Variants in CHST9 observed in about 807,000 individuals in gnomAD.
CHST9 encodes the protein carbohydrate sulfotransferase 9, also known as GalNAc-4-sulfotransferase 2.
Under a neutral mutation model 44.4 loss-of-function variants are expected in CHST9, and 41 were observed. The observed-to-expected ratio is 0.92, with a 90% CI of 0.72 to 1.20. CHST9 has a LOEUF of 1.20. Among genes scored for constraint, CHST9 ranks in the 50% most tolerant of loss-of-function variants. The probability of loss-of-function intolerance (pLI) is 0.00; values close to 1 mark genes in which losing one functional copy is unlikely to be tolerated. For missense variants in CHST9, 504 were observed against 516.5 expected (o/e 0.98, Z 0.23); for synonymous variants, 171 against 178.4 (o/e 0.96, Z 0.33).
At chr18:26,918,902 C>T (rs191643424) in intron 5 of CHST9, among the ~76,000 whole-genome samples, 31 of 152,016 alleles carry the variant, frequency 2.0e-4, no homozygotes, top group Admixed American at 6.6e-4. Context: ...AAGACACACC[C>T]GAGACTGGGT....
At chr18:27,060,522 T>C (rs1245671911) in intron 2 of CHST9, among the ~76,000 whole-genome samples, 2 of 152,110 alleles carry the variant, frequency 1.3e-5, no homozygotes, top group Non-Finnish European at 2.9e-5. Context: ...AGTGGGAATG[T>C]TGAAAAGAGG....
At chr18:27,075,266 C>T (rs1329099523) in intron 2 of CHST9, among the ~76,000 whole-genome samples, 1 of 151,276 alleles carries the variant, frequency 6.6e-6, no homozygotes, top group Non-Finnish European at 1.5e-5. Context: ...CAAACTTTTC[C>T]AACCAGATAG....
chr18:27,076,835 G>A (rs2057909514), intron 2 of CHST9, among the ~76,000 whole-genome samples: 1 of 152,130 alleles, frequency 6.6e-6, no homozygotes, highest in African/African-American at 2.4e-5. Flanking sequence ...CACATGATGG[G>A]AAAAGGAGAC....
intron 1 of CHST9, among the ~76,000 whole-genome samples, chr18:27,173,774 T>A (rs2058849179): frequency 6.6e-6 from 1 of 152,026 alleles, no homozygotes; most frequent in South Asian, 2.1e-4. Context: ...AATTATTTTA[T>A]CCTTTGGATA....
chr18:27,078,452 G>A (rs1280802498), intron 2 of CHST9, among the ~76,000 whole-genome samples: 2 of 151,946 alleles, frequency 1.3e-5, no homozygotes, highest in African/African-American at 4.8e-5. Context: ...CTTAGGGGAA[G>A]TATATACATG....
At chr18:27,096,151 A>G (rs897228508) in intron 2 of CHST9, among the ~76,000 whole-genome samples, 1 of 152,126 alleles carries the variant, frequency 6.6e-6, no homozygotes, top group Non-Finnish European at 1.5e-5. Flanking sequence ...CCACAATATC[A>G]CATGGAAATT....
intron 1 of CHST9, among the ~76,000 whole-genome samples, chr18:27,171,979 G>A (rs926368866): frequency 1.3e-5 from 2 of 152,100 alleles, no homozygotes; most frequent in Non-Finnish European, 2.9e-5. Flanking sequence ...ATGAAAAATG[G>A]TTATGTACTT....
At chr18:26,963,215 T>C (rs163052) in intron 4 of CHST9, among the ~76,000 whole-genome samples, 101,337 of 151,964 alleles carry the variant, frequency 0.67, 34,605 homozygotes, top group African/African-American at 0.81. Flanking sequence ...TCTCAAACTG[T>C]CTTCTATTAA....
intron 2 of CHST9, among the ~76,000 whole-genome samples, chr18:27,088,961 C>A (rs1416099882): frequency 1.3e-5 from 2 of 152,104 alleles, no homozygotes; most frequent in African/African-American, 4.8e-5. Flanking sequence ...AAAAGGCTAC[C>A]CTTCAGTCAC....
intron 4 of CHST9, among the ~76,000 whole-genome samples, chr18:27,005,047 TC>T (rs2056999938): frequency 6.6e-6 from 1 of 152,186 alleles, no homozygotes; most frequent in African/African-American, 2.4e-5. Context: ...GCTATACTTT[TC>T]CAGTTATGAT....
At chr18:27,062,203 G>A (rs1302657400) in intron 2 of CHST9, among the ~76,000 whole-genome samples, 1 of 151,982 alleles carries the variant, frequency 6.6e-6, no homozygotes. Flanking sequence ...GGGTACATAT[G>A]CACAATGTGC....
At chr18:26,947,604 A>C (rs1173915826) in intron 4 of CHST9, among the ~76,000 whole-genome samples, 1 of 152,234 alleles carries the variant, frequency 6.6e-6, no homozygotes, top group Non-Finnish European at 1.5e-5. Flanking sequence ...ATATGAACAG[A>C]CACTTCTTGA....
chr18:27,055,024 C>T (rs551343820), intron 2 of CHST9, among the ~76,000 whole-genome samples: 6 of 152,132 alleles, frequency 3.9e-5, no homozygotes, highest in African/African-American at 1.2e-4. Context: ...CTTGCCTCAC[C>T]GCACTACCAA....
chr18:27,176,976 T>C (rs1236177396), intron 1 of CHST9, among the ~76,000 whole-genome samples: 1 of 152,062 alleles, frequency 6.6e-6, no homozygotes, highest in East Asian at 1.9e-4. Context: ...GATTAGTATT[T>C]AAATTATTTA....
intron 4 of CHST9, among the ~76,000 whole-genome samples, chr18:27,012,160 T>A (rs1276992061): frequency 6.6e-6 from 1 of 152,156 alleles, no homozygotes; most frequent in African/African-American, 2.4e-5. Context: ...ATAATTTATG[T>A]ACTGTTGACC....
At chr18:27,088,956 G>T (rs548110137) in intron 2 of CHST9, among the ~76,000 whole-genome samples, 27 of 152,216 alleles carry the variant, frequency 1.8e-4, no homozygotes, top group African/African-American at 6.3e-4. Context: ...AGGAGAAAAG[G>T]CTACCCTTCA....
chr18:27,092,132 G>A (rs554806264), intron 2 of CHST9, among the ~76,000 whole-genome samples: 1 of 152,232 alleles, frequency 6.6e-6, no homozygotes, highest in South Asian at 2.1e-4. Context: ...CCTGTTATTT[G>A]TCTATTCAGA....
intron 3 of CHST9, among the ~76,000 whole-genome samples, chr18:27,029,993 CT>C (rs2057323952): frequency 6.6e-6 from 1 of 152,148 alleles, no homozygotes; most frequent in African/African-American, 2.4e-5. Flanking sequence ...TTTGTAGTAG[CT>C]GTTTTAAAAT....
chr18:27,124,608 A>G (rs908833519), intron 2 of CHST9, among the ~76,000 whole-genome samples: 1 of 152,066 alleles, frequency 6.6e-6, no homozygotes, highest in African/African-American at 2.4e-5. Context: ...AACTCTTCAA[A>G]CCTCTTCCAA....
Sources: allele counts gnomAD v4.1 joint callset (sites outside exome capture counted in the v4.1 genomes callset), GRCh38; gene constraint gnomAD v4.1.1; transcripts MANE v1.5; gene names NCBI Gene and HGNC (gene_info 2026-07-23, HGNC 2026-07-21).